Variants in TEKT5 observed in about 807,000 individuals in gnomAD.
The protein encoded by TEKT5 is tektin 5.
TEKT5 carries 52 observed loss-of-function variants against 48.7 expected under a neutral mutation model. The observed-to-expected ratio is 1.07, with a 90% CI of 0.86 to 1.35. The LOEUF is 1.35. Among genes scored for constraint, TEKT5 ranks in the 40% most tolerant of loss-of-function variants. The pLI is 0.00. For synonymous variants in TEKT5, 318 were observed against 267.6 expected (o/e 1.19, Z -1.84); for missense variants, 831 against 641.6 (o/e 1.30, Z -3.19).
intron 2 of TEKT5, among the ~76,000 whole-genome samples, 160 bp from the exon 3 acceptor site, chr16:10,689,483 A>G (rs1367727641): frequency 7.0e-6 from 1 of 143,878 alleles, no homozygotes; most frequent in Non-Finnish European, 1.5e-5. Flanking sequence ...ACGTGACCCC[A>G]GGGCCAGGCA....
chr16:10,686,245 G>A (rs376159452), intron 3 of TEKT5, among the ~76,000 whole-genome samples: 36 of 152,256 alleles, frequency 2.4e-4, no homozygotes, highest in Middle Eastern at 3.4e-3. Flanking sequence ...GGTACATGCC[G>A]AAGAATAAGT....
rs781651513 is a variant in TEKT5, at chr16:10,627,746, C to T, written c.1295G>A (p.Arg432Gln). The change falls in exon 7 of 7, where the codon CGG (arginine) becomes CAG (glutamine). Residue 432 changes from arginine to glutamine, a missense_variant. Coordinates refer to ENST00000283025, the MANE Select transcript of TEKT5 (RefSeq NM_144674.2). ...CAGCGTGTCCTGTGTCTCCCGCAGC[C>T]GCAGCTTGAGGGTCTGCAGGGTGTC... ...IDDTLQTLKL[R>Q]LRETQDTLQL... 5.6e-6 allele frequency: 9 copies of T among 1,614,232 alleles called. No homozygotes were observed. The highest frequency in any genetic ancestry group is 1.1e-5 in the South Asian group (1 of 91,088).
chr16:10,671,498 C>G (rs545879537), intron 5 of TEKT5, among the ~76,000 whole-genome samples: 37 of 152,278 alleles, frequency 2.4e-4, no homozygotes, highest in African/African-American at 8.7e-4. Flanking sequence ...CATGGATGAG[C>G]CTTGAAGACA....
chr16:10,684,088 T>C (rs115838119), intron 3 of TEKT5, among the ~76,000 whole-genome samples: 364 of 129,540 alleles, frequency 2.8e-3, no homozygotes, highest in African/African-American at 0.01. Flanking sequence ...CCTTTTTCTG[T>C]TTCCCTGTTG....
At chr16:10,691,404 G>A (rs182237456) in intron 1 of TEKT5, 18 of 152,646 alleles carry the variant, frequency 1.2e-4, no homozygotes, top group African/African-American at 4.3e-4. Context: ...GGTGAGGTGA[G>A]TGGGTGAGGA....
At chr16:10,661,767 A>C (rs1596409997) in intron 5 of TEKT5, among the ~76,000 whole-genome samples, 1 of 152,164 alleles carries the variant, frequency 6.6e-6, no homozygotes, top group Admixed American at 6.5e-5. Context: ...GAGGTTGGGG[A>C]GCCACCAGCC....
At chr16:10,660,116 G>A (rs868358615) in intron 5 of TEKT5, among the ~76,000 whole-genome samples, 3 of 152,186 alleles carry the variant, frequency 2.0e-5, no homozygotes, top group Non-Finnish European at 2.9e-5. Context: ...TGAGGTCACA[G>A]CTGGAGAGAG....
intron 3 of TEKT5, among the ~76,000 whole-genome samples, chr16:10,686,200 G>C (rs1363633025): frequency 6.6e-6 from 1 of 152,224 alleles, no homozygotes; most frequent in Non-Finnish European, 1.5e-5. Flanking sequence ...ATAAAGGACA[G>C]CTTCTTCAAC....
At chr16:10,691,138 T>G (rs1898967101) in intron 1 of TEKT5, 1 of 151,098 alleles carries the variant, frequency 6.6e-6, no homozygotes, top group African/African-American at 2.4e-5. Context: ...AAGCTCAGCC[T>G]GGGCAGCATA....
intron 6 of TEKT5, among the ~76,000 whole-genome samples, chr16:10,634,782 G>A (rs1294930788): frequency 2.0e-5 from 3 of 152,120 alleles, no homozygotes; most frequent in Non-Finnish European, 4.4e-5. Context: ...GTGGCTGCCA[G>A]CCAACAGCCA....
At chr16:10,675,762 G>T (rs1181092918) in intron 5 of TEKT5, among the ~76,000 whole-genome samples, 197 bp downstream of exon 5, 4 of 152,158 alleles carry the variant, frequency 2.6e-5, no homozygotes, top group Non-Finnish European at 5.9e-5. Context: ...AGACAAGATG[G>T]ACTATGGATG....
intron 5 of TEKT5, among the ~76,000 whole-genome samples, chr16:10,649,352 C>T (rs1004822796): frequency 1.3e-5 from 2 of 152,214 alleles, no homozygotes; most frequent in Non-Finnish European, 2.9e-5. Context: ...CTCAAGCCAT[C>T]CTCCTGCCTC....
At chr16:10,674,617 G>GAAAAAAA (rs57583870) in intron 5 of TEKT5, among the ~76,000 whole-genome samples, 2 of 74,734 alleles carry the variant, frequency 2.7e-5, no homozygotes, top group Non-Finnish European at 4.8e-5. Flanking sequence ...GATCATCTCA[G>GAAAAAAA]AAAAAAAAAA....
chr16:10,659,670 T>C (rs1398905929), intron 5 of TEKT5, among the ~76,000 whole-genome samples: 1 of 152,166 alleles, frequency 6.6e-6, no homozygotes, highest in East Asian at 1.9e-4. Context: ...AATACCTCAC[T>C]TTAAAAAAAG....
At chr16:10,635,007 G>A (rs536237506) in intron 6 of TEKT5, among the ~76,000 whole-genome samples, 1 of 152,152 alleles carries the variant, frequency 6.6e-6, no homozygotes, top group Non-Finnish European at 1.5e-5. Flanking sequence ...ACTACCTTTT[G>A]GGGTACTTTA....
At chr16:10,637,771 G>A (rs1036890651) in intron 5 of TEKT5, among the ~76,000 whole-genome samples, 1 of 152,212 alleles carries the variant, frequency 6.6e-6, no homozygotes, top group Non-Finnish European at 1.5e-5. Context: ...GACGCGAGTG[G>A]TGAAATGTCA....
At chr16:10,683,427 G>C (rs1056126938) in intron 3 of TEKT5, among the ~76,000 whole-genome samples, 6 of 152,198 alleles carry the variant, frequency 3.9e-5, no homozygotes, top group Non-Finnish European at 5.9e-5. Context: ...CAATGGATCA[G>C]GGCCAGGGCT....
intron 6 of TEKT5, among the ~76,000 whole-genome samples, chr16:10,628,015 T>TA (rs2142250661): frequency 1.4e-5 from 1 of 72,430 alleles, no homozygotes; most frequent in Admixed American, 1.6e-4. Context: ...AATTTTTGTA[T>TA]TTTTTTTTTT....
Position 10,681,591 on chromosome 16 carries a change from C to T in TEKT5, c.863+402G>A, listed in dbSNP as rs575693083. ...TCCCTGCCGAGGTTGTCACTTGTTT[C>T]GGAATTTTTTTTTTTTTTTTGGTGA... On this transcript the variant is annotated intron_variant, in intron 4 of 6. Coordinates refer to ENST00000283025, the MANE Select transcript of TEKT5 (RefSeq NM_144674.2). Among the ~76,000 whole-genome samples, 158 of 145,444 alleles carry T rather than the reference C, an allele frequency of 1.1e-3. 1 individual carries two copies. The highest frequency in any genetic ancestry group is 1.8e-3 in the Non-Finnish European group (120 of 66,866).
Sources: gnomAD v4.1 joint callset for allele counts (sites outside exome capture counted in the v4.1 genomes callset) on GRCh38, gnomAD v4.1.1 for gene constraint, MANE v1.5 for transcripts, NCBI Gene and HGNC (gene_info 2026-07-23, HGNC 2026-07-21) for gene names.